PPP2R2B: variants seen among roughly 807,000 people sequenced by gnomAD.
PPP2R2B encodes the protein serine/threonine-protein phosphatase 2A 55 kDa regulatory subunit B beta isoform.
In PPP2R2B, 5 loss-of-function variants were observed where a neutral mutation model predicts 46.0. The ratio of observed to expected loss-of-function variants is 0.11; its 90% CI spans 0.06 to 0.23. The LOEUF (loss-of-function observed/expected upper bound fraction) is 0.23, where lower values mean the gene tolerates loss of function less well. Ranked by LOEUF, PPP2R2B falls within the 10% of genes least tolerant of loss-of-function variation. PPP2R2B has a pLI of 1.00. For synonymous variants in PPP2R2B, 215 were observed against 206.7 expected, an observed-to-expected ratio of 1.04 and a Z score of -0.34; for missense variants, 367 against 575.0, an observed-to-expected ratio of 0.64 and a Z score of 3.70.
chr5:146,692,047 C>T (rs1462020382), intron 4 of PPP2R2B, among the ~76,000 whole-genome samples: 1 of 152,116 alleles, frequency 6.6e-6, no homozygotes, highest in Non-Finnish European at 1.5e-5. Context: ...GATTATTTAT[C>T]AAATAACTAT....
chr5:146,651,529 A>C (rs1419590962), intron 5 of PPP2R2B, among the ~76,000 whole-genome samples: 1 of 152,188 alleles, frequency 6.6e-6, no homozygotes, highest in African/African-American at 2.4e-5. Flanking sequence ...TCTTTCTGGC[A>C]AATGTGAACA....
At chr5:147,058,217 A>G (rs967906745), upstream of PPP2R2B, among the ~76,000 whole-genome samples, 2 of 152,180 alleles carry the variant, frequency 1.3e-5, no homozygotes, top group African/African-American at 4.8e-5. Flanking sequence ...AAGATATTTT[A>G]TACTTTTTAT....
At chr5:146,902,542 A>G (rs9325026) in intron 1 of PPP2R2B, among the ~76,000 whole-genome samples, 38,788 of 152,110 alleles carry the variant, frequency 0.26, 5,078 homozygotes, top group East Asian at 0.38. Flanking sequence ...TGTCACAAAA[A>G]TCCTGAGGTC....
At chr5:146,730,584 A>C (rs1172787455) in intron 2 of PPP2R2B, among the ~76,000 whole-genome samples, 1 of 152,300 alleles carries the variant, frequency 6.6e-6, no homozygotes, top group East Asian at 1.9e-4. Flanking sequence ...TAATTGCATC[A>C]TGAGGGCCAG....
intron 2 of PPP2R2B, among the ~76,000 whole-genome samples, chr5:146,740,954 T>C (rs1442121690): frequency 6.6e-6 from 1 of 151,864 alleles, no homozygotes; most frequent in East Asian, 1.9e-4. Context: ...GGAGAATCAC[T>C]TGAACCCGGG....
intron 7 of PPP2R2B, among the ~76,000 whole-genome samples, chr5:146,621,035 T>C (rs1561779025): frequency 6.6e-6 from 1 of 152,184 alleles, no homozygotes; most frequent in Non-Finnish European, 1.5e-5. Context: ...CTGACAGTGA[T>C]CTCCCTGCAG....
At chr5:146,601,334 C>T (rs148906324) in intron 7 of PPP2R2B, among the ~76,000 whole-genome samples, 1,744 of 152,236 alleles carry the variant, frequency 0.011, 19 homozygotes, top group Non-Finnish European at 0.017. Flanking sequence ...TGTGGTGGCT[C>T]ATGCCTGTAT....
In PPP2R2B at chr5:146,924,130, T is replaced by C. The variant is rs1214650566; in HGVS notation, c.79+131535A>G. ...AAAAATAACTAATGGGTACTAGGCTTAATGCCTGGGAGATGAAATAATCTG... is the reference window on the plus strand; with the variant it reads ...AAAAATAACTAATGGGTACTAGGCTCAATGCCTGGGAGATGAAATAATCTG... On this transcript the variant is annotated intron_variant, in intron 1 of 8. Transcript: ENST00000336640. Among the ~76,000 whole-genome samples the C allele has an allele frequency of 3.9e-5, 6 of 152,142 alleles. No individual in the cohort carries two copies. In the South Asian group the frequency reaches 1.2e-3, roughly 32 times the overall value.
At chr5:146,983,306 G>A (rs1475225688) in intron 1 of PPP2R2B, among the ~76,000 whole-genome samples, 3 of 146,196 alleles carry the variant, frequency 2.1e-5, no homozygotes, top group Non-Finnish European at 4.5e-5. Flanking sequence ...TCAGCCTCCC[G>A]AGTAGCTGGG....
At chr5:147,058,588 A>G (rs1250146845), upstream of PPP2R2B, among the ~76,000 whole-genome samples, 1 of 152,198 alleles carries the variant, frequency 6.6e-6, no homozygotes, top group Admixed American at 6.5e-5. Flanking sequence ...AAACCAGCCA[A>G]TATCTCTTGA....
chr5:146,735,164 T>C (rs1325139862), intron 2 of PPP2R2B, among the ~76,000 whole-genome samples: 2 of 152,302 alleles, frequency 1.3e-5, no homozygotes, highest in East Asian at 3.9e-4. Flanking sequence ...AGTGTGCCGA[T>C]GATAATAAAT....
In PPP2R2B at chr5:146,667,328, GCGCGCACACACACA is replaced by G. The variant is rs1157489169; in HGVS notation, c.448-16618_448-16605del. Among the ~76,000 whole-genome samples, 1,225 of 126,248 alleles carry G rather than the reference GCGCGCACACACACA, an allele frequency of 9.7e-3. 15 individuals carry two copies. The highest frequency in any genetic ancestry group is 0.039 in the African/African-American group (1,150 of 29,306). The allele number at this position is 126,248 out of a possible 152,430, so 82.8% of individuals were successfully genotyped here. A position where few individuals can be genotyped will look rare whatever the true frequency, so the allele number is the denominator to read the frequency against. Reference sequence around the variant, plus strand: ...GGAGAGACAGCAGGAATAGGCGTGCGCGCGCACACACACACACACACACACACACACACACACAC... The same window carrying G: ...GGAGAGACAGCAGGAATAGGCGTGCGCACACACACACACACACACACACAC... On this transcript the variant is annotated intron_variant, in intron 5 of 9. Coordinates refer to ENST00000394411, the MANE Select transcript of PPP2R2B (RefSeq NM_181675.4).
At chr5:146,959,809 C>T (rs1435900250) in intron 1 of PPP2R2B, among the ~76,000 whole-genome samples, 1 of 152,056 alleles carries the variant, frequency 6.6e-6, no homozygotes, top group Non-Finnish European at 1.5e-5. Context: ...CCAGGTTTGG[C>T]TGGGGGAACA....
At chr5:146,900,599 C>CTTCTTTCT in intron 1 of PPP2R2B, among the ~76,000 whole-genome samples, 2 of 127,304 alleles carry the variant, frequency 1.6e-5, no homozygotes, top group Admixed American at 8.8e-5. Flanking sequence ...TCCTTCTTTC[C>CTTCTTTCT]TTCTTTTCTT....
At chr5:146,742,161 A>C (rs186159377) in intron 2 of PPP2R2B, among the ~76,000 whole-genome samples, 9 of 152,252 alleles carry the variant, frequency 5.9e-5, no homozygotes, top group African/African-American at 1.9e-4. Flanking sequence ...CGCCGGGGGG[A>C]ACTTTGCTGT....
intron 5 of PPP2R2B, 54 bp from the exon 6 acceptor site, chr5:146,650,778 A>C: frequency 1.3e-6 from 2 of 1,525,834 alleles, no homozygotes; most frequent in South Asian, 2.4e-5. Flanking sequence ...CCATAGGAAA[A>C]GAGTGTGCAT....
intron 1 of PPP2R2B, among the ~76,000 whole-genome samples, chr5:146,970,791 C>T (rs1752629675): frequency 6.6e-6 from 1 of 152,020 alleles, no homozygotes; most frequent in Non-Finnish European, 1.5e-5. Flanking sequence ...TGAGGAGTTG[C>T]CCCGTAAAAC....
intron 2 of PPP2R2B, among the ~76,000 whole-genome samples, chr5:146,710,958 ATAT>A (rs1329320070): frequency 2.6e-5 from 4 of 152,170 alleles, no homozygotes; most frequent in Non-Finnish European, 5.9e-5. Flanking sequence ...AAAATTCCCC[ATAT>A]TTTGGGACTG....
intron 2 of PPP2R2B, among the ~76,000 whole-genome samples, chr5:146,772,935 G>C (rs73793268): frequency 6.6e-6 from 1 of 152,044 alleles, no homozygotes; most frequent in Non-Finnish European, 1.5e-5. Flanking sequence ...TGTTACTAAG[G>C]CTCCTCTGCC....
Sources: allele counts gnomAD v4.1 joint callset (sites outside exome capture counted in the v4.1 genomes callset), GRCh38; gene constraint gnomAD v4.1.1; transcripts MANE v1.5; gene names NCBI Gene and HGNC (gene_info 2026-07-23, HGNC 2026-07-21).